WDPCP: variants seen among roughly 807,000 people sequenced by gnomAD.
WDPCP encodes the protein WD repeat containing planar cell polarity effector, also known as WD repeat-containing and planar cell polarity effector protein fritz homolog.
WDPCP carries 71 observed loss-of-function variants against 93.1 expected under a neutral mutation model. The ratio of observed to expected loss-of-function variants is 0.76; its 90% CI spans 0.63 to 0.93. The LOEUF (loss-of-function observed/expected upper bound fraction) is 0.93. Among genes scored for constraint, WDPCP ranks in the 40% least tolerant of loss-of-function variants. The probability of loss-of-function intolerance (pLI) is 0.00; values close to 1 mark genes in which losing one functional copy is unlikely to be tolerated. For missense variants in WDPCP, 844 were observed against 887.4 expected (o/e 0.95, Z 0.62); for synonymous variants, 315 against 315.0 (o/e 1.00, Z 0.00).
At chr2:63,157,395 T>C (rs1203154389) in intron 15 of WDPCP, among the ~76,000 whole-genome samples, 2 of 152,092 alleles carry the variant, frequency 1.3e-5, no homozygotes, top group Non-Finnish European at 2.9e-5. Context: ...GGTAATAGCC[T>C]CAGAAAATGA....
intron 13 of WDPCP, among the ~76,000 whole-genome samples, chr2:63,263,725 T>C (rs548260487): frequency 3.9e-4 from 59 of 152,350 alleles, no homozygotes; most frequent in African/African-American, 1.3e-3. Context: ...TTATGTCCTT[T>C]ACCTGAGTAG....
chr2:63,285,711 A>C (rs1019584686), intron 13 of WDPCP, among the ~76,000 whole-genome samples: 1 of 152,208 alleles, frequency 6.6e-6, no homozygotes, highest in Non-Finnish European at 1.5e-5. Context: ...TAGTTGATGC[A>C]AACTCTGAAA....
At chr2:63,589,363 G>C, upstream of WDPCP, 2 of 1,550,606 alleles carry the variant, frequency 1.3e-6, no homozygotes. Context: ...AGGACGTTAC[G>C]GTGTTTGATA....
chr2:63,490,720 G>A (rs759055745), intron 2 of WDPCP, among the ~76,000 whole-genome samples: 1 of 152,130 alleles, frequency 6.6e-6, no homozygotes, highest in Non-Finnish European at 1.5e-5. Context: ...GAAGGAACAG[G>A]GACAGAAAAC....
chr2:63,734,623 A>C (rs1174378843), intron 2 of WDPCP, among the ~76,000 whole-genome samples: 1 of 152,186 alleles, frequency 6.6e-6, no homozygotes, highest in Non-Finnish European at 1.5e-5. Flanking sequence ...GATCTTTCTC[A>C]GAGTTGCATC....
chr2:63,306,790 G>A (rs1195685156), intron 13 of WDPCP, among the ~76,000 whole-genome samples: 1 of 152,160 alleles, frequency 6.6e-6, no homozygotes, highest in African/African-American at 2.4e-5. Flanking sequence ...GTATCATACT[G>A]AATGGGCAAA....
intron 17 of WDPCP, among the ~76,000 whole-genome samples, chr2:63,138,150 T>C (rs1029281661): frequency 6.6e-6 from 1 of 151,786 alleles, no homozygotes; most frequent in Admixed American, 6.6e-5. Context: ...CCACTTTTAT[T>C]TGTAATAAAA....
chr2:63,639,669 A>C (rs1709959744), intron 3 of WDPCP, among the ~76,000 whole-genome samples: 1 of 152,254 alleles, frequency 6.6e-6, no homozygotes, highest in South Asian at 2.1e-4. Context: ...TTTAAATCAT[A>C]GCAGAAGATA....
chr2:63,511,413 G>A (rs1702225219), intron 1 of WDPCP, among the ~76,000 whole-genome samples: 1 of 151,930 alleles, frequency 6.6e-6, no homozygotes, highest in African/African-American at 2.4e-5. Flanking sequence ...ATTTCATATG[G>A]AACCAAAAAA....
At chr2:63,789,607 C>G (rs888071889) in intron 2 of WDPCP, among the ~76,000 whole-genome samples, 1 of 152,146 alleles carries the variant, frequency 6.6e-6, no homozygotes, top group African/African-American at 2.4e-5. Flanking sequence ...GCCGAGATAG[C>G]AAAGGCAGAG....
chr2:63,614,597 CT>C (rs1357271162), intron 3 of WDPCP, among the ~76,000 whole-genome samples: 2 of 152,146 alleles, frequency 1.3e-5, no homozygotes, highest in African/African-American at 4.8e-5. Flanking sequence ...GTCTCCCATC[CT>C]TTTTCCTCCC....
In WDPCP at chr2:63,135,828, C is replaced by T. The variant is rs190266383; in HGVS notation, c.2191-13772G>A. Among the ~76,000 whole-genome samples, 19 of 151,562 alleles carry T rather than the reference C, an allele frequency of 1.3e-4. No individual in the cohort carries two copies. In the East Asian group the frequency reaches 3.5e-3, roughly 28 times the overall value. On this transcript the variant is annotated intron_variant, in intron 17 of 17. Transcript: ENST00000272321. The stretch of plus-strand genomic sequence containing the variant: ...CCTACTGCAGCCTCTAACTCCTGGG[C>T]TCAGGCAATGCTCCTGCCTCAGCCT...
At chr2:63,425,887 A>G (rs1696244149) in intron 9 of WDPCP, among the ~76,000 whole-genome samples, 1 of 152,228 alleles carries the variant, frequency 6.6e-6, no homozygotes, top group South Asian at 2.1e-4. Flanking sequence ...CCCATGCAAG[A>G]TACTATAAAA....
chr2:63,451,789 C>T (rs1277124671), intron 6 of WDPCP, among the ~76,000 whole-genome samples: 1 of 152,188 alleles, frequency 6.6e-6, no homozygotes, highest in Non-Finnish European at 1.5e-5. Flanking sequence ...GCTGGTTCAA[C>T]ATATGCAAAT....
chr2:63,792,513 C>T (rs139293912), intron 2 of WDPCP, among the ~76,000 whole-genome samples: 1,855 of 152,166 alleles, frequency 0.012, 17 homozygotes, highest in Non-Finnish European at 0.015. Flanking sequence ...ACATGTCAGC[C>T]CTGAGTGATA....
At chr2:63,299,902 C>G (rs1019382517) in intron 13 of WDPCP, among the ~76,000 whole-genome samples, 2 of 152,082 alleles carry the variant, frequency 1.3e-5, no homozygotes, top group Non-Finnish European at 2.9e-5. Flanking sequence ...GGATGAATGC[C>G]GGCAGGAACT....
intron 2 of WDPCP, among the ~76,000 whole-genome samples, chr2:63,734,736 T>C (rs1015621892): frequency 1.3e-5 from 2 of 152,240 alleles, no homozygotes; most frequent in African/African-American, 4.8e-5. Context: ...AGGAGCTGGA[T>C]AAAAATTACT....
chr2:63,137,714 C>G (rs554267920), intron 17 of WDPCP, among the ~76,000 whole-genome samples: 1 of 152,216 alleles, frequency 6.6e-6, no homozygotes, highest in South Asian at 2.1e-4. Context: ...TTTAATCCAT[C>G]TCGAGTTAAT....
intron 14 of WDPCP, among the ~76,000 whole-genome samples, chr2:63,246,703 C>T (rs1680303306): frequency 6.6e-6 from 1 of 152,140 alleles, no homozygotes; most frequent in Non-Finnish European, 1.5e-5. Context: ...TGATGATAAA[C>T]AAGGTGGTGA....
Sources: allele counts gnomAD v4.1 joint callset (sites outside exome capture counted in the v4.1 genomes callset), GRCh38; gene constraint gnomAD v4.1.1; transcripts MANE v1.5; gene names NCBI Gene and HGNC (gene_info 2026-07-23, HGNC 2026-07-21).